The following UNC79 variants were observed in gnomAD, a reference collection of about 807,000 sequenced individuals.
UNC79 encodes unc-79 subunit of NALCN channel complex, also known as protein unc-79 homolog.
UNC79 carries 37 observed loss-of-function variants against 283.1 expected under a neutral mutation model. The ratio of observed to expected loss-of-function variants is 0.13; its 90% CI spans 0.10 to 0.17. The LOEUF is 0.17. Ranked by LOEUF, UNC79 falls within the 10% of genes least tolerant of loss-of-function variation. The probability of loss-of-function intolerance (pLI) is 1.00; values close to 1 mark genes in which losing one functional copy is unlikely to be tolerated. For synonymous variants in UNC79, 1,107 were observed against 1,200.2 expected (o/e 0.92, Z 1.61); for missense variants, 2,272 against 3,211.1 (o/e 0.71, Z 7.07).
chr14:93,498,069 C>T (rs764273703), intron 7 of UNC79, among the ~76,000 whole-genome samples: 12 of 151,886 alleles, frequency 7.9e-5, no homozygotes, highest in Admixed American at 2.6e-4. Context: ...CTGAGATGGG[C>T]GGTTCGCCTG....
chr14:93,533,024 T>C (rs553532513), intron 11 of UNC79, among the ~76,000 whole-genome samples: 2 of 152,338 alleles, frequency 1.3e-5, no homozygotes, highest in Admixed American at 6.5e-5. Context: ...TATGTGTAAG[T>C]TGAACAATAC....
intron 1 of UNC79, among the ~76,000 whole-genome samples, chr14:93,452,375 ATTTTTTTT>A (rs35284465): frequency 4.6e-5 from 5 of 108,864 alleles, no homozygotes; most frequent in Admixed American, 1.0e-4. Context: ...GGACTGCATG[ATTTTTTTT>A]TTTTTTTTTT....
chr14:93,526,885 A>G (rs1044412397), intron 8 of UNC79, among the ~76,000 whole-genome samples: 3 of 152,218 alleles, frequency 2.0e-5, no homozygotes, highest in African/African-American at 7.2e-5. Flanking sequence ...ATAATATGTA[A>G]GAGGAGCTCC....
At chr14:93,622,969 C>A in intron 30 of UNC79, 128 bp downstream of exon 32, 2 of 1,237,560 alleles carry the variant, frequency 1.6e-6, no homozygotes, top group Non-Finnish European at 2.2e-6. Flanking sequence ...ATTATAATGG[C>A]TTCTCAATCA....
intron 1 of UNC79, among the ~76,000 whole-genome samples, chr14:93,366,672 G>A (rs1248001670): frequency 3.3e-5 from 5 of 151,076 alleles, no homozygotes; most frequent in African/African-American, 1.2e-4. Context: ...TCCGGGGTTC[G>A]AGCGATTCTT....
intron 1 of UNC79, among the ~76,000 whole-genome samples, chr14:93,432,761 A>G (rs1271574427): frequency 6.6e-6 from 1 of 152,228 alleles, no homozygotes; most frequent in Non-Finnish European, 1.5e-5. Flanking sequence ...ATATTATAAT[A>G]AAGCCAAGTG....
chr14:93,622,121 G>A lies in UNC79; in HGVS notation c.4888G>A (p.Asp1630Asn), dbSNP rs750647093. The stretch of plus-strand genomic sequence containing the variant: ...CTCTATACTCTCAACCTCCGACAGC[G>A]ACTCTCTTGTATTTGAGCCTCTTCC... The change falls in exon 30 of 49, where the codon GAC becomes AAC. Residue 1630 changes from aspartate to asparagine, a missense_variant. This residue lies in a region of UNC79 where 580 missense variants were observed against 632.2 expected (regional missense o/e 0.92). Coordinates refer to ENST00000555664, the Ensembl canonical transcript of UNC79. 6 of 1,613,960 alleles carry A rather than the reference G, an allele frequency of 3.7e-6. No individual in the cohort carries two copies. The East Asian group carries it at 6.7e-5, about 18-fold the overall frequency.
At chr14:93,565,538 G>A (rs1885756) in intron 14 of UNC79, among the ~76,000 whole-genome samples, 1 of 152,144 alleles carries the variant, frequency 6.6e-6, no homozygotes, top group Non-Finnish European at 1.5e-5. Context: ...CTTACAGGTC[G>A]AAGTGTATTC....
chr14:93,550,514 CAAAAAAAAA>C (rs1205210121), intron 14 of UNC79, among the ~76,000 whole-genome samples: 2,843 of 19,090 alleles, frequency 0.15, 137 homozygotes, highest in African/African-American at 0.36. Flanking sequence ...GACTCCGTAT[CAAAAAAAAA>C]AAAAAAAAAA....
At chr14:93,371,129 C>A (rs2054435460) in intron 1 of UNC79, among the ~76,000 whole-genome samples, 1 of 152,024 alleles carries the variant, frequency 6.6e-6, no homozygotes, top group South Asian at 2.1e-4. Context: ...ACCCCTGTAC[C>A]CTGTAATCCC....
At chr14:93,510,903 T>C (rs939212049) in intron 7 of UNC79, among the ~76,000 whole-genome samples, 1 of 152,182 alleles carries the variant, frequency 6.6e-6, no homozygotes, top group Non-Finnish European at 1.5e-5. Flanking sequence ...CTAGTATGAA[T>C]TTCCTGTATT....
In UNC79 at chr14:93,686,681, C is replaced by T; in HGVS notation, c.6909+20C>T. On this transcript the variant is annotated intron_variant, in intron 43 of 48. Transcript: ENST00000555664. ...CTGAAGGTGAGATGACCGCCACCTG[C>T]TCATCCCTCAGGTTCACAAAACAGA... 6.2e-7 allele frequency: 1 copy of T among 1,613,538 alleles called. No homozygotes were observed. Among genetic ancestry groups the T allele is most frequent in the South Asian group, 1.1e-5 (1 of 91,024 alleles).
At chr14:93,646,157 A>T (rs527424639) in intron 34 of UNC79, among the ~76,000 whole-genome samples, 1 of 152,036 alleles carries the variant, frequency 6.6e-6, no homozygotes, top group Admixed American at 6.6e-5. Context: ...CTTTTTCCTC[A>T]TTTCAACCCA....
chr14:93,381,843 A>C (rs2054672224), intron 1 of UNC79, among the ~76,000 whole-genome samples: 1 of 152,218 alleles, frequency 6.6e-6, no homozygotes, highest in Non-Finnish European at 1.5e-5. Flanking sequence ...AGGTAGATTT[A>C]CAAAAGAGTA....
intron 24 of UNC79, among the ~76,000 whole-genome samples, chr14:93,598,406 GT>G (rs557369150): frequency 0.37 from 54,222 of 145,156 alleles, 10,716 homozygotes; most frequent in Admixed American, 0.48. Flanking sequence ...GTGTGTGTGT[GT>G]GTGGCAGATT....
chr14:93,509,393 G>A (rs1007013895), intron 7 of UNC79, among the ~76,000 whole-genome samples: 1 of 152,122 alleles, frequency 6.6e-6, no homozygotes, highest in Non-Finnish European at 1.5e-5. Flanking sequence ...ACTCATTGCA[G>A]CATTAACTCA....
At chr14:93,559,329 T>C (rs2062397498) in intron 14 of UNC79, among the ~76,000 whole-genome samples, 1 of 152,244 alleles carries the variant, frequency 6.6e-6, no homozygotes, top group Non-Finnish European at 1.5e-5. Flanking sequence ...ACTCAGTTAT[T>C]GGCACATACT....
chr14:93,683,973 C>T lies in UNC79; in HGVS notation c.6819+1279C>T, dbSNP rs187198134. ...CATGAAACTACTACTGTGATCTATG[C>T]CATGAACATATCCATCATCTCCAAC... is the stretch of plus-strand genomic sequence containing the variant. On this transcript the variant is annotated intron_variant, in intron 42 of 48. Coordinates refer to ENST00000555664, the Ensembl canonical transcript of UNC79. Among the ~76,000 whole-genome samples the T allele has an allele frequency of 4.4e-4, 67 of 152,206 alleles. 1 individual carries two copies. The highest frequency in any genetic ancestry group is 6.8e-3 in the Middle Eastern group (2 of 294).
intron 1 of UNC79, among the ~76,000 whole-genome samples, chr14:93,454,880 T>C (rs1324896626): frequency 2.6e-5 from 4 of 152,188 alleles, no homozygotes; most frequent in African/African-American, 9.7e-5. Context: ...CTAAGAAATG[T>C]AATTGAATAA....
Sources: allele counts gnomAD v4.1 joint callset (sites outside exome capture counted in the v4.1 genomes callset), GRCh38; gene constraint gnomAD v4.1.1; regional missense constraint gnomAD v4.1.1; transcripts MANE v1.5; gene names NCBI Gene and HGNC (gene_info 2026-07-23, HGNC 2026-07-21).